The following HARS1 variants were observed in gnomAD, a reference collection of about 807,000 sequenced individuals.
The protein encoded by HARS1 is histidine--tRNA ligase, cytoplasmic.
A neutral mutation model predicts 63.6 loss-of-function variants in HARS1; 45 were observed. The observed-to-expected ratio is 0.71, with a 90% CI of 0.56 to 0.91. HARS1 has a LOEUF of 0.91. Among genes scored for constraint, HARS1 ranks in the 40% least tolerant of loss-of-function variants. The pLI, the probability that HARS1 is intolerant of heterozygous loss-of-function variation, is 0.00. For missense variants in HARS1, 508 were observed against 643.2 expected, an observed-to-expected ratio of 0.79 and a Z score of 2.27; for synonymous variants, 205 against 247.1, an observed-to-expected ratio of 0.83 and a Z score of 1.60.
chr5:140,691,074 CG>C (rs1374179701), intron 1 of HARS1, 130 bp from the exon 2 acceptor site: 1 of 898,768 alleles, frequency 1.1e-6, no homozygotes, highest in African/African-American at 1.6e-5. Context: ...GGACCCACCC[CG>C]GATGTCTCCC....
chr5:140,679,303 G>C lies in HARS1; in HGVS notation c.397-176C>G, dbSNP rs560224562. 8 of 602,542 alleles carry C rather than the reference G, an allele frequency of 1.3e-5. No individual in the cohort carries two copies. In the South Asian group the frequency reaches 1.7e-4, roughly 12 times the overall value. 37.3% of individuals were successfully genotyped at this position (602,542 alleles called of 1,614,324 possible). A position where few individuals can be genotyped will look rare whatever the true frequency, so the allele number is the denominator to read the frequency against. Reference sequence around the variant, plus strand: ...AGCTGTGCTACCACATGAGGTAGCTGAAGGCTCAAAAAAGATTAAGGCACC... The same window carrying C: ...AGCTGTGCTACCACATGAGGTAGCTCAAGGCTCAAAAAAGATTAAGGCACC... On this transcript the variant is annotated intron_variant, in intron 4 of 12. Transcript: ENST00000504156. This position sits in a 1 kb window ranked among gnomAD's most constrained non-coding sequence, Gnocchi z 4.3.
chr5:140,688,092 A>C (rs1443608375), intron 2 of HARS1, among the ~76,000 whole-genome samples: 1 of 151,462 alleles, frequency 6.6e-6, no homozygotes, highest in Non-Finnish European at 1.5e-5. Context: ...CGACAGAGCA[A>C]GACTCCGTCT....
Position 140,679,967 on chromosome 5 carries a change from C to T in HARS1, c.301-84G>A. 2 of 717,068 alleles carry T rather than the reference C, an allele frequency of 2.8e-6. No individual in the cohort carries two copies. The highest frequency in any genetic ancestry group is 4.9e-6 in the Non-Finnish European group (2 of 411,764). 44.4% of individuals were successfully genotyped at this position (717,068 alleles called of 1,614,324 possible). A position where few individuals can be genotyped will look rare whatever the true frequency, so the allele number is the denominator to read the frequency against. On this transcript the variant is annotated intron_variant, in intron 3 of 12. Transcript: ENST00000504156. The surrounding 1 kb of genome is among the most constrained non-coding windows in gnomAD (Gnocchi z 4.3). The stretch of plus-strand genomic sequence containing the variant: ...TTTTGAAAACAAACATGACTGATTC[C>T]AACTTGTCTACATTTCCCTCTGCTC...
At chr5:140,677,624 G>A (rs762827270) in intron 7 of HARS1, 31 bp downstream of exon 7, 2 of 1,435,318 alleles carry the variant, frequency 1.4e-6, no homozygotes, top group African/African-American at 2.8e-5. Flanking sequence ...GGTGGGATCT[G>A]GGAAAAGAAG....
At chr5:140,690,347 G>A (rs1173767250) in intron 2 of HARS1, among the ~76,000 whole-genome samples, 1 of 152,076 alleles carries the variant, frequency 6.6e-6, no homozygotes, top group Non-Finnish European at 1.5e-5. Context: ...AGCTACTCAG[G>A]AGGCTGAAGC....
rs150274370 is a variant in HARS1 at position 140,675,107 on chromosome 5, C to T, written c.1221G>A (p.Thr407=). ...CAGATGCCACAAGCACCTGTGTCTC[C>T]GTGGTCCGTATCTTCTCCTCCAAAG... is the stretch of plus-strand genomic sequence containing the variant. ...LEALEEKIRT[T]ETQVLVASAQ... is the part of the protein sequence containing the mutation. Residue 407 remains threonine (T), a synonymous_variant, in exon 11 of 13, where the codon ACG becomes ACA. Coordinates refer to ENST00000504156, the MANE Select transcript of HARS1 (RefSeq NM_002109.6). The T allele has an allele frequency of 1.1e-5, 17 of 1,612,056 alleles. No homozygotes were observed. The African/African-American group carries it at 1.1e-4, about 10-fold the overall frequency.
At chr5:140,683,551 G>A in intron 2 of HARS1, 1 of 1,051,788 alleles carries the variant, frequency 9.5e-7, no homozygotes, top group Non-Finnish European at 1.2e-6. Context: ...CCTACCTGAG[G>A]CCAGGCACAG....
At chr5:140,675,389 GCTT>G in intron 10 of HARS1, 1 of 354,376 alleles carries the variant, frequency 2.8e-6, no homozygotes, top group Middle Eastern at 8.3e-4. Flanking sequence ...GTAACTTCAA[GCTT>G]ATCTCCATGT....
chr5:140,690,787 G>A (rs1158497243), intron 2 of HARS1, 68 bp downstream of exon 2: 3 of 881,290 alleles, frequency 3.4e-6, no homozygotes, highest in Non-Finnish European at 5.9e-6. Context: ...GTTTAGGGAG[G>A]CAGACATAAG....
Position 140,675,077 on chromosome 5 carries a change from C to T in HARS1, c.1251G>A (p.Gln417=), listed in dbSNP as rs774189252. The change falls in exon 11 of 13, where the codon CAG becomes CAA. Residue 417 remains glutamine, a synonymous_variant. Coordinates refer to ENST00000504156, the MANE Select transcript of HARS1 (RefSeq NM_002109.6). ...TETQVLVASA[Q]KKLLEERLKL... ...TTAGTCTTTCCTCTAGCAGCTTCTT[C>T]TGTGCAGATGCCACAAGCACCTGTG... is the stretch of plus-strand genomic sequence containing the variant. 8 of 1,613,768 alleles carry T rather than the reference C, an allele frequency of 5.0e-6. No individual in the cohort carries two copies. In the South Asian group the frequency reaches 8.8e-5, roughly 18 times the overall value.
intron 11 of HARS1, 90 bp from the exon 12 acceptor site, chr5:140,674,915 A>T: frequency 6.6e-7 from 1 of 1,525,432 alleles, no homozygotes; most frequent in Non-Finnish European, 9.1e-7. Flanking sequence ...TCTTAGCTCT[A>T]CTTTTGAGAA....
intron 2 of HARS1, chr5:140,684,970 T>C (rs1021346720): frequency 6.6e-6 from 1 of 152,238 alleles, no homozygotes; most frequent in Non-Finnish European, 1.5e-5. Flanking sequence ...TATGTGATTT[T>C]TGCATTCAAT....
intron 3 of HARS1, among the ~76,000 whole-genome samples, chr5:140,680,755 G>T (rs539956085): frequency 1.2e-4 from 18 of 151,586 alleles, no homozygotes; most frequent in Admixed American, 2.0e-4. Flanking sequence ...CAGGAGAATC[G>T]CTTGAACCCG....
Position 140,677,676 on chromosome 5 carries a change from G to A in HARS1, c.708C>T (p.Ser236=). 6.2e-7 allele frequency: 1 copy of A among 1,609,846 alleles called. No individual in the cohort carries two copies. Among genetic ancestry groups the A allele is most frequent in the Non-Finnish European group, 8.5e-7 (1 of 1,177,026 alleles). ...TTACCTTGTCCAGCTTGTCTACTGA[G>A]GAGCAGATGGTACGGAACTTGCTGT... ...VSDSKFRTIC[S]SVDKLDKVSW... The change falls in exon 7 of 13, where the codon TCC becomes TCT. Residue 236 remains serine, a synonymous_variant. Transcript: ENST00000504156.
At chr5:140,683,073 T>C (rs1758817089) in intron 3 of HARS1, 27 bp downstream of exon 3, 1 of 1,607,288 alleles carries the variant, frequency 6.2e-7, no homozygotes, top group African/African-American at 1.3e-5. Flanking sequence ...TCATCTACCA[T>C]GTAGTTTCTT....
chr5:140,677,573 C>CCTCT, intron 7 of HARS1, 82 bp downstream of exon 7: 3 of 1,102,774 alleles, frequency 2.7e-6, no homozygotes, highest in Admixed American at 3.4e-5. Flanking sequence ...GAGGCATGCA[C>CCTCT]CTCTCTCTCT....
In HARS1 at chr5:140,674,876, G is replaced by A. The variant is rs774060588; in HGVS notation, c.1312-51C>T. ...AAGGCTGGCTTCTGCTGTCCTCAGG[G>A]ACAGAGGGTGTCCAAGCTGGCACCC... is the stretch of plus-strand genomic sequence containing the variant. On this transcript the variant is annotated intron_variant, in intron 11 of 12. Coordinates refer to ENST00000504156, the MANE Select transcript of HARS1 (RefSeq NM_002109.6). The A allele has an allele frequency of 3.1e-6, 5 of 1,604,616 alleles. No individual in the cohort carries two copies. In the South Asian group the frequency reaches 5.5e-5, roughly 18 times the overall value.
intron 11 of HARS1, 59 bp from the exon 12 acceptor site, chr5:140,674,884 G>C (rs1182487227): frequency 6.3e-7 from 1 of 1,591,858 alleles, no homozygotes; most frequent in Non-Finnish European, 8.6e-7. Flanking sequence ...GGGACAGAGG[G>C]TGTCCAAGCT....
At position 140,677,132 on chromosome 5, in the gene HARS1, TGTGA is replaced by T; in HGVS notation, c.824-20_824-17del. ...GATACCCCACCTGGGGAGACAGACT[TGTGA>T]GTGAGGCTGACAAGGAAACAAAAAA... On this transcript the variant is annotated splice_polypyrimidine_tract_variant and intron_variant, in intron 8 of 12. Coordinates refer to ENST00000504156, the MANE Select transcript of HARS1 (RefSeq NM_002109.6). 1 of 1,613,480 alleles carries T rather than the reference TGTGA, an allele frequency of 6.2e-7. No individual in the cohort carries two copies. The highest frequency in any genetic ancestry group is 1.1e-5 in the South Asian group (1 of 91,050).
Sources: allele counts gnomAD v4.1 joint callset (sites outside exome capture counted in the v4.1 genomes callset), GRCh38; gene constraint gnomAD v4.1.1; non-coding constraint Gnocchi (gnomAD v3.1); transcripts MANE v1.5; gene names NCBI Gene and HGNC (gene_info 2026-07-23, HGNC 2026-07-21).